RBFOX1: variants seen among roughly 807,000 people sequenced by gnomAD.
RBFOX1 encodes the protein RNA binding fox-1 homolog 1.
In RBFOX1, 8 loss-of-function variants were observed where a neutral mutation model predicts 57.7. The ratio of observed to expected loss-of-function variants is 0.14; its 90% CI spans 0.08 to 0.25. The LOEUF (loss-of-function observed/expected upper bound fraction) is 0.25, where lower values mean the gene tolerates loss of function less well. RBFOX1 is among the 10% of genes least tolerant of loss of function. The probability of loss-of-function intolerance (pLI) is 1.00; values close to 1 mark genes in which losing one functional copy is unlikely to be tolerated. For missense variants in RBFOX1, 611 were observed against 548.5 expected (o/e 1.11, Z -1.14); for synonymous variants, 326 against 222.4 (o/e 1.47, Z -4.15).
intron 3 of RBFOX1, among the ~76,000 whole-genome samples, chr16:5,716,032 A>C (rs1222299402): frequency 6.6e-6 from 1 of 152,234 alleles, no homozygotes; most frequent in African/African-American, 2.4e-5. Context: ...AGGCAGGAAT[A>C]AGGATAATAT....
chr16:5,491,239 C>T (rs1002078217), intron 2 of RBFOX1, among the ~76,000 whole-genome samples: 7 of 152,140 alleles, frequency 4.6e-5, no homozygotes, highest in Non-Finnish European at 8.8e-5. Flanking sequence ...ACATCTAGGA[C>T]GCCAGCACCC....
At chr16:7,136,634 C>A (rs2072069949) in intron 4 of RBFOX1, among the ~76,000 whole-genome samples, 1 of 152,060 alleles carries the variant, frequency 6.6e-6, no homozygotes, top group Non-Finnish European at 1.5e-5. Context: ...CCAGGCTGAT[C>A]TTGAACTCCT....
intron 1 of RBFOX1, among the ~76,000 whole-genome samples, chr16:5,257,742 C>T (rs1007176854): frequency 5.3e-5 from 8 of 152,196 alleles, no homozygotes; most frequent in Admixed American, 2.0e-4. Context: ...CAGCCTCCCC[C>T]ACGCTTCCCT....
At chr16:6,488,768 C>T (rs1598060865) in intron 2 of RBFOX1, among the ~76,000 whole-genome samples, 1 of 152,236 alleles carries the variant, frequency 6.6e-6, no homozygotes, top group East Asian at 1.9e-4. Context: ...ATTTTGAAGA[C>T]AGTTTTTGTG....
intron 1 of RBFOX1, among the ~76,000 whole-genome samples, chr16:5,432,971 A>G (rs1402991885): frequency 6.6e-6 from 1 of 152,148 alleles, no homozygotes; most frequent in Admixed American, 6.5e-5. Flanking sequence ...TTTTTAGTAC[A>G]GACAGGGTTT....
In RBFOX1 at chr16:6,937,494, C is replaced by T. The variant is rs573559891; in HGVS notation, c.-15-114563C>T. 5.9e-5 allele frequency among the ~76,000 whole-genome samples: 9 copies of T among 152,172 alleles called. 1 individual carries two copies. The South Asian group carries it at 1.5e-3, about 25-fold the overall frequency. On this transcript the variant is annotated intron_variant, in intron 3 of 15. Coordinates refer to ENST00000550418, the MANE Select transcript of RBFOX1 (RefSeq NM_018723.4). ...CGGTGAAGATATTTATTCTGAGTGACATAGGAGTGACACAGACATCAGGAG... is the reference window on the plus strand; with the variant it reads ...CGGTGAAGATATTTATTCTGAGTGATATAGGAGTGACACAGACATCAGGAG...
chr16:6,966,292 G>T (rs985729723), intron 3 of RBFOX1, among the ~76,000 whole-genome samples: 1 of 152,104 alleles, frequency 6.6e-6, no homozygotes, highest in Non-Finnish European at 1.5e-5. Context: ...ACTCCTGCAG[G>T]CACTGAGGAT....
chr16:5,610,101 A>G (rs930096209), intron 3 of RBFOX1, among the ~76,000 whole-genome samples: 4 of 152,008 alleles, frequency 2.6e-5, no homozygotes, highest in African/African-American at 7.3e-5. Context: ...GGCTTGCTGT[A>G]CCTCCTGCCA....
chr16:7,694,829 A>C (rs2078282197), intron 14 of RBFOX1, among the ~76,000 whole-genome samples: 1 of 152,178 alleles, frequency 6.6e-6, no homozygotes, highest in African/African-American at 2.4e-5. Context: ...GGTGGGGAAT[A>C]ATGTTAATTT....
intron 3 of RBFOX1, among the ~76,000 whole-genome samples, chr16:6,876,769 A>T (rs2061928134): frequency 6.6e-6 from 1 of 152,102 alleles, no homozygotes; most frequent in African/African-American, 2.4e-5. Context: ...TTTCTTATTT[A>T]TATTTGCATT....
chr16:5,937,970 C>T (rs7191260), intron 4 of RBFOX1, among the ~76,000 whole-genome samples: 4 of 151,776 alleles, frequency 2.6e-5, no homozygotes, highest in African/African-American at 9.7e-5. Context: ...AGTTACTTTG[C>T]TTATTTGAAT....
At chr16:5,521,732 T>C (rs2044026119) in intron 2 of RBFOX1, among the ~76,000 whole-genome samples, 1 of 152,256 alleles carries the variant, frequency 6.6e-6, no homozygotes. Context: ...TTAGGGACAA[T>C]GATCTCCTGT....
chr16:6,411,869 C>T (rs1374606324), intron 2 of RBFOX1, among the ~76,000 whole-genome samples: 1 of 152,002 alleles, frequency 6.6e-6, no homozygotes, highest in South Asian at 2.1e-4. Flanking sequence ...TGTGGTGGCT[C>T]ACGCCTGTAA....
intron 1 of RBFOX1, among the ~76,000 whole-genome samples, chr16:5,294,217 A>C (rs1409932653): frequency 6.6e-6 from 1 of 152,168 alleles, no homozygotes; most frequent in Non-Finnish European, 1.5e-5. Flanking sequence ...TGACAGAACA[A>C]GATTCTGTCT....
intron 1 of RBFOX1, among the ~76,000 whole-genome samples, chr16:5,463,013 C>G (rs182006608): frequency 1.5e-4 from 23 of 152,312 alleles, no homozygotes; most frequent in African/African-American, 5.3e-4. Context: ...AGATCAACAT[C>G]TAATCCTTGG....
At chr16:6,785,599 A>G (rs1199804841) in intron 3 of RBFOX1, among the ~76,000 whole-genome samples, 1 of 152,052 alleles carries the variant, frequency 6.6e-6, no homozygotes, top group Non-Finnish European at 1.5e-5. Flanking sequence ...TAAATAAGCT[A>G]TTTTTCCTTT....
At chr16:6,682,584 T>C (rs1458053879) in intron 3 of RBFOX1, among the ~76,000 whole-genome samples, 2 of 152,060 alleles carry the variant, frequency 1.3e-5, no homozygotes, top group South Asian at 2.1e-4. Context: ...CTGTGCATTG[T>C]GGGTGCTGAG....
At chr16:5,943,249 GC>G (rs1021197426) in intron 4 of RBFOX1, among the ~76,000 whole-genome samples, 8 of 152,174 alleles carry the variant, frequency 5.3e-5, no homozygotes, top group African/African-American at 1.9e-4. Context: ...AGTTTTCCCA[GC>G]CCATCACAGG....
chr16:7,321,349 T>C (rs1283389494), intron 4 of RBFOX1, among the ~76,000 whole-genome samples: 1 of 152,090 alleles, frequency 6.6e-6, no homozygotes, highest in Non-Finnish European at 1.5e-5. Context: ...TTTCACCATG[T>C]TGGTCAGGCT....
Sources: gnomAD v4.1 joint callset for allele counts (sites outside exome capture counted in the v4.1 genomes callset) on GRCh38, gnomAD v4.1.1 for gene constraint, MANE v1.5 for transcripts, NCBI Gene and HGNC (gene_info 2026-07-23, HGNC 2026-07-21) for gene names.